Variants in DLG1 observed in about 807,000 individuals in gnomAD.
DLG1 encodes disks large homolog 1.
DLG1 carries 42 observed loss-of-function variants against 123.4 expected under a neutral mutation model. That is an observed-to-expected ratio of 0.34 (90% CI 0.27 to 0.44). DLG1 has a LOEUF of 0.44. Ranked by LOEUF, DLG1 falls within the 20% of genes least tolerant of loss-of-function variation. DLG1 has a pLI of 1.00. For synonymous variants in DLG1, 317 were observed against 356.2 expected, an observed-to-expected ratio of 0.89 and a Z score of 1.24; for missense variants, 942 against 1,082.6, an observed-to-expected ratio of 0.87 and a Z score of 1.82.
chr3:197,232,117 CA>C (rs1443614659), intron 4 of DLG1, among the ~76,000 whole-genome samples: 1 of 152,172 alleles, frequency 6.6e-6, no homozygotes, highest in Non-Finnish European at 1.5e-5. Context: ...GGTATAATCT[CA>C]ATCACCTAAA....
At chr3:197,161,820 T>C (rs1798896679) in intron 5 of DLG1, 2 of 823,844 alleles carry the variant, frequency 2.4e-6, no homozygotes, top group Non-Finnish European at 1.9e-6. Context: ...GCCATAAAGA[T>C]AAATTATAGT....
chr3:197,226,529 T>C (rs1740043448), intron 4 of DLG1, among the ~76,000 whole-genome samples: 2 of 152,234 alleles, frequency 1.3e-5, no homozygotes, highest in South Asian at 2.1e-4. Flanking sequence ...ATTTAAAATA[T>C]AGTTTTAATG....
chr3:197,072,713 A>G (rs1008997667), intron 18 of DLG1, among the ~76,000 whole-genome samples: 1 of 151,320 alleles, frequency 6.6e-6, no homozygotes, highest in South Asian at 2.1e-4. Context: ...CAAAAAAAAA[A>G]CCTGAGTCTT....
chr3:197,078,838 C>G (rs1749030948), intron 17 of DLG1, among the ~76,000 whole-genome samples: 1 of 152,110 alleles, frequency 6.6e-6, no homozygotes, highest in Non-Finnish European at 1.5e-5. Context: ...TTATTCATCC[C>G]TCTTACTGCA....
intron 4 of DLG1, among the ~76,000 whole-genome samples, chr3:197,206,921 A>G (rs1244229153): frequency 1.3e-5 from 2 of 152,220 alleles, no homozygotes; most frequent in African/African-American, 4.8e-5. Flanking sequence ...GAATATATAG[A>G]TATCGATTGC....
chr3:197,269,700 AC>A (rs1380148349), intron 4 of DLG1, among the ~76,000 whole-genome samples: 1 of 152,190 alleles, frequency 6.6e-6, no homozygotes, highest in Non-Finnish European at 1.5e-5. Context: ...CGTATTAAGA[AC>A]CAAAATCTGG....
chr3:197,195,406 T>A (rs572440120), intron 4 of DLG1, among the ~76,000 whole-genome samples: 1 of 152,240 alleles, frequency 6.6e-6, no homozygotes, highest in Non-Finnish European at 1.5e-5. Flanking sequence ...GATTGATCAG[T>A]AATTATTCCA....
chr3:197,057,909 T>C (rs1049617171), intron 23 of DLG1, among the ~76,000 whole-genome samples: 2 of 152,152 alleles, frequency 1.3e-5, no homozygotes, highest in Admixed American at 1.3e-4. Context: ...CTCTTTATCA[T>C]ATGTTTGTTT....
chr3:197,089,542 A>AC (rs1491491848), intron 15 of DLG1, among the ~76,000 whole-genome samples: 111 of 151,826 alleles, frequency 7.3e-4, no homozygotes, highest in African/African-American at 2.6e-3. Context: ...AAAAAAAAAA[A>AC]ACAGAAAGAA....
intron 5 of DLG1, among the ~76,000 whole-genome samples, chr3:197,172,660 C>T (rs1411600178): frequency 1.3e-5 from 2 of 152,182 alleles, no homozygotes; most frequent in Non-Finnish European, 2.9e-5. Flanking sequence ...CACTTTCATG[C>T]AATATACATA....
At chr3:197,060,394 G>A (rs1164349217) in intron 22 of DLG1, among the ~76,000 whole-genome samples, 6 of 151,816 alleles carry the variant, frequency 4.0e-5, no homozygotes, top group African/African-American at 9.7e-5. Context: ...TTAGCCTCCC[G>A]AAGTGCTGGG....
intron 4 of DLG1, among the ~76,000 whole-genome samples, chr3:197,267,227 G>GA (rs1466973882): frequency 6.6e-6 from 1 of 151,994 alleles, no homozygotes; most frequent in Admixed American, 6.6e-5. Context: ...CAAAATGAAG[G>GA]AAAACCAACA....
intron 4 of DLG1, among the ~76,000 whole-genome samples, chr3:197,263,615 C>T (rs958181676): frequency 9.9e-5 from 15 of 151,876 alleles, no homozygotes; most frequent in African/African-American, 3.4e-4. Context: ...GGTGAAATCC[C>T]ATCTCTACTA....
chr3:197,287,292 A>G (rs1772350037), intron 3 of DLG1, among the ~76,000 whole-genome samples: 1 of 152,186 alleles, frequency 6.6e-6, no homozygotes, highest in Non-Finnish European at 1.5e-5. Context: ...ATGAGAGATA[A>G]ATAAACTTAT....
intron 1 of DLG1, chr3:197,297,437 A>T (rs1335908326): frequency 7.2e-7 from 1 of 1,393,088 alleles, no homozygotes; most frequent in Non-Finnish European, 9.3e-7. Context: ...CTCCAAATTA[A>T]GAACAGACAG....
At chr3:197,057,983 CTTT>C (rs906481339) in intron 23 of DLG1, among the ~76,000 whole-genome samples, 15 of 148,644 alleles carry the variant, frequency 1.0e-4, no homozygotes, top group African/African-American at 3.7e-4. Flanking sequence ...ATATTGTTTT[CTTT>C]TTTTTTTCCT....
intron 10 of DLG1, among the ~76,000 whole-genome samples, chr3:197,134,472 C>CAAAAAAAAA (rs11319273): frequency 1.0e-5 from 1 of 96,562 alleles, no homozygotes; most frequent in African/African-American, 3.9e-5. Flanking sequence ...TTCATAATAC[C>CAAAAAAAAA]AAAAAAAAAA....
intron 4 of DLG1, among the ~76,000 whole-genome samples, chr3:197,237,310 T>C (rs1746498975): frequency 1.3e-5 from 2 of 152,182 alleles, no homozygotes; most frequent in Non-Finnish European, 2.9e-5. Flanking sequence ...CTGAGTTTTC[T>C]TTTTTACCTC....
chr3:197,232,092 T>C (rs1339639941), intron 4 of DLG1, among the ~76,000 whole-genome samples: 1 of 152,164 alleles, frequency 6.6e-6, no homozygotes, highest in Non-Finnish European at 1.5e-5. Flanking sequence ...ATAAATCTGT[T>C]CTAAAAGGAA....
Sources: allele counts gnomAD v4.1 joint callset (sites outside exome capture counted in the v4.1 genomes callset), GRCh38; gene constraint gnomAD v4.1.1; transcripts MANE v1.5; gene names NCBI Gene and HGNC (gene_info 2026-07-23, HGNC 2026-07-21).